The following PPP2R2B variants were observed in gnomAD, a reference collection of about 807,000 sequenced individuals.
PPP2R2B encodes the protein protein phosphatase 2 regulatory subunit Bbeta.
A neutral mutation model predicts 46.0 loss-of-function variants in PPP2R2B; 5 were observed. The ratio of observed to expected loss-of-function variants is 0.11; its 90% CI spans 0.06 to 0.23. The LOEUF (loss-of-function observed/expected upper bound fraction) is 0.23, where lower values mean the gene tolerates loss of function less well. Ranked by LOEUF, PPP2R2B falls within the 10% of genes least tolerant of loss-of-function variation. The pLI is 1.00. For missense variants in PPP2R2B, 367 were observed against 575.0 expected (o/e 0.64, Z 3.70); for synonymous variants, 215 against 206.7 (o/e 1.04, Z -0.34).
rs1345314115 is a variant in PPP2R2B, at chr5:146,586,944, A to C, written c.*3003T>G. The C allele has an allele frequency of 2.0e-5, 3 of 152,168 alleles. No homozygotes were observed. Among genetic ancestry groups the C allele is most frequent in the Non-Finnish European group, 2.9e-5 (2 of 68,030 alleles). 9.4% of individuals were successfully genotyped at this position (152,168 alleles called of 1,614,324 possible). ...ACTTGTTTTTAACGTCAGGAACTGA[A>C]TGTTGCGCAAGGATGGTTTTTGTAA... On this transcript the variant is annotated 3_prime_UTR_variant, in exon 10 of 10. Coordinates refer to ENST00000394411, the MANE Select transcript of PPP2R2B (RefSeq NM_181675.4).
At chr5:147,002,656 CT>C (rs1324593304) in intron 1 of PPP2R2B, among the ~76,000 whole-genome samples, 1 of 151,952 alleles carries the variant, frequency 6.6e-6, no homozygotes, top group Non-Finnish European at 1.5e-5. Context: ...CTTGGTCCTC[CT>C]TGTGGTCTAG....
chr5:147,007,441 T>A (rs1465459298), intron 1 of PPP2R2B, among the ~76,000 whole-genome samples: 1 of 152,118 alleles, frequency 6.6e-6, no homozygotes. Flanking sequence ...AATGCACCAA[T>A]CAGCACTCTG....
At chr5:146,899,814 G>A (rs1030361600) in intron 1 of PPP2R2B, among the ~76,000 whole-genome samples, 24 of 152,080 alleles carry the variant, frequency 1.6e-4, no homozygotes, top group Non-Finnish European at 3.1e-4. Flanking sequence ...AGGAGTGTTC[G>A]AGATTAAAAG....
intron 2 of PPP2R2B, among the ~76,000 whole-genome samples, chr5:146,785,377 T>C (rs1755772095): frequency 2.0e-5 from 3 of 151,992 alleles, no homozygotes; most frequent in African/African-American, 7.2e-5. Flanking sequence ...TGAAACGCTG[T>C]CTCTACAAAA....
At chr5:146,668,860 GA>G (rs1005998241) in intron 5 of PPP2R2B, among the ~76,000 whole-genome samples, 36 of 152,310 alleles carry the variant, frequency 2.4e-4, no homozygotes, top group African/African-American at 8.7e-4. Flanking sequence ...CCATAGAATG[GA>G]AGGAAGCAGG....
At chr5:146,807,863 G>A (rs377338411) in intron 2 of PPP2R2B, among the ~76,000 whole-genome samples, 2 of 130,318 alleles carry the variant, frequency 1.5e-5, no homozygotes, top group African/African-American at 5.7e-5. Context: ...GCAATGGCAC[G>A]ATCTCAGCTC....
At position 146,634,784 on chromosome 5, in the gene PPP2R2B, C is replaced by A. The variant is rs73793209; in HGVS notation, c.790+3467G>T. Among the ~76,000 whole-genome samples, 452 of 151,504 alleles carry A rather than the reference C, an allele frequency of 3.0e-3. 1 individual carries two copies. The highest frequency in any genetic ancestry group is 9.5e-3 in the African/African-American group (391 of 41,346). ...AACTTACACACACACACACACACACCCCCTACTGGTTCTGTTTGTCTGGAG... is the reference window on the plus strand; with the variant it reads ...AACTTACACACACACACACACACACACCCTACTGGTTCTGTTTGTCTGGAG... On this transcript the variant is annotated intron_variant, in intron 7 of 9. Coordinates refer to ENST00000394411, the MANE Select transcript of PPP2R2B (RefSeq NM_181675.4).
intron 2 of PPP2R2B, among the ~76,000 whole-genome samples, chr5:146,710,707 C>A (rs1419733498): frequency 2.0e-5 from 3 of 152,248 alleles, no homozygotes; most frequent in Non-Finnish European, 4.4e-5. Context: ...CTCTGTCAAT[C>A]ATTCAGATCT....
intron 2 of PPP2R2B, among the ~76,000 whole-genome samples, chr5:146,770,355 A>AAAAAAAAAAAAAAT (rs1368760298): frequency 1.5e-5 from 2 of 132,600 alleles, no homozygotes; most frequent in African/African-American, 5.4e-5. Context: ...AAAAAAAAAA[A>AAAAAAAAAAAAAAT]GAATGAAGAA....
intron 2 of PPP2R2B, among the ~76,000 whole-genome samples, chr5:146,812,191 C>A (rs1450510664): frequency 6.6e-6 from 1 of 151,816 alleles, no homozygotes; most frequent in African/African-American, 2.4e-5. Flanking sequence ...AAAGTGAAAC[C>A]TGGCACTCTG....
chr5:146,834,170 T>C (rs900821680), intron 2 of PPP2R2B, among the ~76,000 whole-genome samples: 1 of 152,218 alleles, frequency 6.6e-6, no homozygotes, highest in Non-Finnish European at 1.5e-5. Context: ...TAACATGTAT[T>C]GAGGGCATAC....
At chr5:146,696,114 T>TC (rs1192851923) in intron 4 of PPP2R2B, among the ~76,000 whole-genome samples, 1 of 152,098 alleles carries the variant, frequency 6.6e-6, no homozygotes, top group African/African-American at 2.4e-5. Context: ...TGAGTTTTTT[T>TC]TTTTTTTGAG....
intron 6 of PPP2R2B, among the ~76,000 whole-genome samples, chr5:146,649,817 T>C (rs7729798): frequency 0.76 from 115,991 of 152,056 alleles, 45,212 homozygotes; most frequent in Non-Finnish European, 0.83. Flanking sequence ...TTATCAAATA[T>C]GTCCTTGGGG....
chr5:147,044,012 A>T (rs1169277407), intron 1 of PPP2R2B, among the ~76,000 whole-genome samples: 1 of 152,098 alleles, frequency 6.6e-6, no homozygotes, highest in Non-Finnish European at 1.5e-5. Context: ...GGGACAATAA[A>T]TGCTTTCCCT....
At chr5:146,977,253 G>A (rs774670729) in intron 1 of PPP2R2B, among the ~76,000 whole-genome samples, 33 of 151,704 alleles carry the variant, frequency 2.2e-4, no homozygotes, top group Non-Finnish European at 3.5e-4. Flanking sequence ...TTAGAATTGC[G>A]ATCTTGTTCT....
chr5:146,835,241 G>T (rs1216011483), intron 2 of PPP2R2B, among the ~76,000 whole-genome samples: 3 of 151,890 alleles, frequency 2.0e-5, no homozygotes, highest in Non-Finnish European at 4.4e-5. Flanking sequence ...AATAAACAAT[G>T]TATTATATTG....
intron 1 of PPP2R2B, among the ~76,000 whole-genome samples, chr5:147,029,136 A>G (rs1341505653): frequency 6.6e-6 from 1 of 152,164 alleles, no homozygotes; most frequent in Non-Finnish European, 1.5e-5. Flanking sequence ...TGATGAATAG[A>G]AAAATTTAAC....
intron 1 of PPP2R2B, among the ~76,000 whole-genome samples, chr5:147,028,388 C>T (rs1441221559): frequency 6.6e-6 from 1 of 152,104 alleles, no homozygotes; most frequent in East Asian, 1.9e-4. Flanking sequence ...CCACCTAGAT[C>T]AAGAAATAGA....
At chr5:146,984,425 T>C (rs1753327038) in intron 1 of PPP2R2B, among the ~76,000 whole-genome samples, 1 of 152,234 alleles carries the variant, frequency 6.6e-6, no homozygotes, top group South Asian at 2.1e-4. Flanking sequence ...TTCTTCTTTT[T>C]ATAGACTAAA....
Sources: allele counts gnomAD v4.1 joint callset (sites outside exome capture counted in the v4.1 genomes callset), GRCh38; gene constraint gnomAD v4.1.1; transcripts MANE v1.5; gene names NCBI Gene and HGNC (gene_info 2026-07-23, HGNC 2026-07-21).